IQSEC1: variants seen among roughly 807,000 people sequenced by gnomAD.
IQSEC1 encodes the protein IQ motif and SEC7 domain-containing protein 1.
In IQSEC1, 31 loss-of-function variants were observed where a neutral mutation model predicts 91.0. The observed-to-expected ratio is 0.34, with a 90% CI of 0.26 to 0.46. The LOEUF (loss-of-function observed/expected upper bound fraction) is 0.46. Among genes scored for constraint, IQSEC1 ranks in the 20% least tolerant of loss-of-function variants. The pLI, the probability that IQSEC1 is intolerant of heterozygous loss-of-function variation, is 1.00. For missense variants in IQSEC1, 1,388 were observed against 1,575.6 expected (o/e 0.88, Z 2.02); for synonymous variants, 699 against 662.6 (o/e 1.05, Z -0.84).
chr3:13,102,669 C>T (rs769289185), intron 2 of IQSEC1, among the ~76,000 whole-genome samples: 4 of 152,136 alleles, frequency 2.6e-5, no homozygotes, highest in Non-Finnish European at 5.9e-5. Context: ...TCACATGCTC[C>T]CACTGTCAAC....
chr3:12,928,748 G>T (rs1318378870), intron 3 of IQSEC1, among the ~76,000 whole-genome samples: 1 of 152,174 alleles, frequency 6.6e-6, no homozygotes, highest in African/African-American at 2.4e-5. Flanking sequence ...TCGAAGGTGG[G>T]CCTTTGGTGT....
At chr3:13,202,445 A>G (rs1694261781) in intron 1 of IQSEC1, among the ~76,000 whole-genome samples, 6 of 152,238 alleles carry the variant, frequency 3.9e-5, no homozygotes, top group Admixed American at 3.9e-4. Flanking sequence ...TGGTGCACCC[A>G]TCCTTATAGT....
chr3:13,222,586 C>A (rs562085671), intron 1 of IQSEC1, among the ~76,000 whole-genome samples: 14 of 152,346 alleles, frequency 9.2e-5, no homozygotes, highest in Non-Finnish European at 1.8e-4. Context: ...TACCTCCCCC[C>A]AGCAATGGAG....
chr3:13,064,585 C>T (rs1705173596), intron 1 of IQSEC1, among the ~76,000 whole-genome samples: 1 of 152,206 alleles, frequency 6.6e-6, no homozygotes, highest in African/African-American at 2.4e-5. Context: ...GAGATGCTGT[C>T]CTTGGTGATG....
intron 1 of IQSEC1, among the ~76,000 whole-genome samples, chr3:13,278,186 G>A (rs898891970): frequency 6.6e-6 from 1 of 152,196 alleles, no homozygotes; most frequent in Admixed American, 6.5e-5. Flanking sequence ...CTCTCCCAGT[G>A]ATATGACAGC....
chr3:13,072,602 C>G (rs927372524), intron 1 of IQSEC1, among the ~76,000 whole-genome samples: 2 of 152,258 alleles, frequency 1.3e-5, no homozygotes, highest in African/African-American at 2.4e-5. Context: ...GACCTTCTAT[C>G]AGGCATGGCT....
At chr3:12,905,529 C>T (rs1037165877) in intron 12 of IQSEC1, among the ~76,000 whole-genome samples, 2 of 152,292 alleles carry the variant, frequency 1.3e-5, no homozygotes, top group African/African-American at 2.4e-5. Context: ...CAGGGTCTGA[C>T]CGCTAGAGAG....
chr3:13,120,898 G>A (rs917819742), intron 2 of IQSEC1, among the ~76,000 whole-genome samples: 7 of 152,204 alleles, frequency 4.6e-5, no homozygotes, highest in African/African-American at 1.7e-4. Context: ...AGAGAACTCA[G>A]CCTGCTGCAT....
intron 1 of IQSEC1, among the ~76,000 whole-genome samples, chr3:13,280,443 C>T (rs1695767323): frequency 6.6e-6 from 1 of 152,238 alleles, no homozygotes; most frequent in Admixed American, 6.5e-5. Context: ...GAACCCCACG[C>T]ATGTGAGCAG....
rs1418601252 is a variant in IQSEC1 at position 13,154,465 on chromosome 3, A to C, written c.302+9639T>G. Among the ~76,000 whole-genome samples the C allele has an allele frequency of 5.4e-4, 67 of 122,980 alleles. 11 individuals are homozygous for C. Among genetic ancestry groups the C allele is most frequent in the African/African-American group, 2.0e-3 (66 of 33,302 alleles). 80.7% of individuals were successfully genotyped at this position (122,980 alleles called of 152,430 possible). ...TATATATATATATATATATATATAT[A>C]TATATATATATGCAAAAACTGATAC... On this transcript the variant is annotated intron_variant, in intron 2 of 15. Transcript: ENST00000648114.
Position 12,979,369 on chromosome 3 carries a change from C to T in IQSEC1, c.24-37504G>A, listed in dbSNP as rs559037373. On this transcript the variant is annotated intron_variant, in intron 1 of 13. Transcript: ENST00000613206. This position sits in a 1 kb window ranked among gnomAD's most constrained non-coding sequence, Gnocchi z 4.3. ...ACAGAGAATCCACATGACAGGACGC[C>T]GCCAATAAAACAGAAGCATGCTTTT... is the stretch of plus-strand genomic sequence containing the variant. Among the ~76,000 whole-genome samples, 55 of 152,198 alleles carry T rather than the reference C, an allele frequency of 3.6e-4. No individual in the cohort carries two copies. The highest frequency in any genetic ancestry group is 1.2e-3 in the African/African-American group (51 of 41,494).
intron 1 of IQSEC1, among the ~76,000 whole-genome samples, chr3:12,958,505 C>A (rs907755631): frequency 1.3e-5 from 2 of 152,192 alleles, no homozygotes; most frequent in Admixed American, 6.5e-5. Flanking sequence ...CAGCCTGGGG[C>A]CTGTCACCCA....
intron 1 of IQSEC1, among the ~76,000 whole-genome samples, chr3:13,010,941 G>A (rs1355500974): frequency 1.3e-5 from 2 of 152,134 alleles, no homozygotes; most frequent in Admixed American, 6.5e-5. Context: ...CCCCACTTGA[G>A]CAGTGCCTGC....
intron 2 of IQSEC1, among the ~76,000 whole-genome samples, chr3:13,121,003 T>C (rs79719659): frequency 2.0e-5 from 3 of 152,330 alleles, no homozygotes; most frequent in Middle Eastern, 3.4e-3. Flanking sequence ...CTCCTGACTA[T>C]TGCCCCAGCA....
intron 2 of IQSEC1, among the ~76,000 whole-genome samples, chr3:13,128,842 A>C (rs1176842781): frequency 7.7e-5 from 11 of 142,284 alleles, no homozygotes; most frequent in Non-Finnish European, 1.3e-4. Flanking sequence ...GCACCACTGC[A>C]CTCCAGCCCG....
chr3:13,112,633 C>G (rs908941146), intron 2 of IQSEC1, among the ~76,000 whole-genome samples: 3 of 152,270 alleles, frequency 2.0e-5, no homozygotes, highest in African/African-American at 4.8e-5. Context: ...GCGGCAGGAG[C>G]CTCGCACAGA....
intron 1 of IQSEC1, among the ~76,000 whole-genome samples, chr3:12,977,581 C>T (rs975213493): frequency 6.6e-6 from 1 of 152,196 alleles, no homozygotes; most frequent in African/African-American, 2.4e-5. Context: ...AGGGCCGGGG[C>T]TGCATTCCTG....
At chr3:12,914,856 G>A (rs372436260) in intron 8 of IQSEC1, among the ~76,000 whole-genome samples, 13 of 152,160 alleles carry the variant, frequency 8.5e-5, no homozygotes, top group East Asian at 3.9e-4. Context: ...CAGGCGCAGG[G>A]TCTGGGGGCT....
chr3:13,108,776 G>A (rs1706194255), intron 2 of IQSEC1, among the ~76,000 whole-genome samples: 1 of 152,224 alleles, frequency 6.6e-6, no homozygotes, highest in African/African-American at 2.4e-5. Context: ...ATCAAAAAGG[G>A]TAAGTCGCAA....
Sources: allele counts gnomAD v4.1 joint callset (sites outside exome capture counted in the v4.1 genomes callset), GRCh38; gene constraint gnomAD v4.1.1; non-coding constraint Gnocchi (gnomAD v3.1); transcripts MANE v1.5; gene names NCBI Gene and HGNC (gene_info 2026-07-23, HGNC 2026-07-21).